SPOP: variants seen among roughly 807,000 people sequenced by gnomAD.
SPOP encodes the protein speckle type BTB/POZ protein, also known as speckle-type POZ protein.
A neutral mutation model predicts 45.6 loss-of-function variants in SPOP; 11 were observed. The observed-to-expected ratio is 0.24, with a 90% CI of 0.15 to 0.40. The LOEUF (loss-of-function observed/expected upper bound fraction) is 0.40, where lower values mean the gene tolerates loss of function less well. Ranked by LOEUF, SPOP falls within the 10% of genes least tolerant of loss-of-function variation. The probability of loss-of-function intolerance (pLI) is 1.00; values close to 1 mark genes in which losing one functional copy is unlikely to be tolerated. For synonymous variants in SPOP, 166 were observed against 166.3 expected (o/e 1.00, Z 0.01); for missense variants, 152 against 465.6 (o/e 0.33, Z 6.20).
intron 1 of SPOP, among the ~76,000 whole-genome samples, chr17:49,623,475 G>A (rs895149210): frequency 1.3e-5 from 2 of 152,318 alleles, no homozygotes; most frequent in South Asian, 4.1e-4. Context: ...GCTGCCTGAA[G>A]AGGAGACAGC....
chr17:49,663,595 A>G (rs1299598643), intron 1 of SPOP, among the ~76,000 whole-genome samples: 1 of 151,776 alleles, frequency 6.6e-6, no homozygotes, highest in African/African-American at 2.4e-5. Context: ...ATAGTCTGTA[A>G]AAAAACTGGG....
intron 1 of SPOP, among the ~76,000 whole-genome samples, chr17:49,656,182 T>A (rs973190021): frequency 2.6e-5 from 4 of 152,226 alleles, no homozygotes; most frequent in African/African-American, 9.6e-5. Context: ...GTCTGAACTC[T>A]TTGATATTAC....
At chr17:49,643,932 G>GAAA (rs202083202) in intron 1 of SPOP, among the ~76,000 whole-genome samples, 10 of 98,416 alleles carry the variant, frequency 1.0e-4, no homozygotes, top group African/African-American at 2.8e-4. Context: ...CCGTCTCAAG[G>GAAA]AAAAAAAAAA....
chr17:49,599,107 T>C lies in SPOP; in HGVS notation c.*1271A>G, dbSNP rs1359890603. 4.8e-6 allele frequency: 1 copy of C among 208,576 alleles called. No individual in the cohort carries two copies. Among genetic ancestry groups the C allele is most frequent in the African/African-American group, 2.3e-5 (1 of 43,902 alleles). The allele number at this position is 208,576 out of a possible 1,614,324, so 12.9% of individuals were successfully genotyped here. ...AGGACAAGAGACTGGCAGATGCTGA[T>C]AGCTCACAAAGAGAACTTGAGATTA... On this transcript the variant is annotated 3_prime_UTR_variant, in exon 10 of 10. Coordinates refer to ENST00000504102, the MANE Select transcript of SPOP (RefSeq NM_001007228.2).
intron 1 of SPOP, among the ~76,000 whole-genome samples, chr17:49,629,508 C>T (rs1395713408): frequency 6.6e-6 from 1 of 152,172 alleles, no homozygotes; most frequent in Non-Finnish European, 1.5e-5. Flanking sequence ...ATTTATTCTA[C>T]AAGAGGAGAA....
intron 1 of SPOP, among the ~76,000 whole-genome samples, chr17:49,658,360 A>G (rs2072943130): frequency 6.6e-6 from 1 of 152,208 alleles, no homozygotes; most frequent in Non-Finnish European, 1.5e-5. Flanking sequence ...CATAATCAGC[A>G]AAAGCAAATA....
chr17:49,622,656 A>G (rs890959690), intron 2 of SPOP, 77 bp downstream of exon 2: 1 of 1,281,670 alleles, frequency 7.8e-7, no homozygotes, highest in South Asian at 1.2e-5. Flanking sequence ...AGCCCAATGT[A>G]GAAAAGCAAT....
chr17:49,623,292 G>A (rs954901240), intron 1 of SPOP, among the ~76,000 whole-genome samples: 1 of 152,156 alleles, frequency 6.6e-6, no homozygotes, highest in African/African-American at 2.4e-5. Flanking sequence ...ACAGGCGTGA[G>A]CCACCGCACC....
rs994440869 is a variant in SPOP, at chr17:49,630,358, C to T, written c.-66-7482G>A. On this transcript the variant is annotated intron_variant, in intron 1 of 9. Coordinates refer to ENST00000504102, the MANE Select transcript of SPOP (RefSeq NM_001007228.2). ...CCAAGGGTAGTTATTACAGGTCATA[C>T]TGACTTCTACTGTTGCAAGGTTTAA... Among the ~76,000 whole-genome samples, 5 of 152,180 alleles carry T rather than the reference C, an allele frequency of 3.3e-5. No individual in the cohort carries two copies. The East Asian group carries it at 9.6e-4, about 29-fold the overall frequency.
chr17:49,635,065 T>C (rs538615420), intron 1 of SPOP, among the ~76,000 whole-genome samples: 15 of 152,344 alleles, frequency 9.8e-5, no homozygotes, highest in African/African-American at 2.6e-4. Context: ...TCTTCTCCTT[T>C]ACAGTCTTAA....
intron 1 of SPOP, among the ~76,000 whole-genome samples, chr17:49,651,973 C>T (rs1342175234): frequency 4.0e-5 from 6 of 151,662 alleles, no homozygotes; most frequent in African/African-American, 1.2e-4. Context: ...GAGCCGAAAT[C>T]GTGCCATTGC....
At chr17:49,672,530 G>A (rs1005684172) in intron 1 of SPOP, among the ~76,000 whole-genome samples, 1 of 152,202 alleles carries the variant, frequency 6.6e-6, no homozygotes, top group Non-Finnish European at 1.5e-5. Flanking sequence ...CATCAAAAAT[G>A]TTTAATGATA....
intron 1 of SPOP, among the ~76,000 whole-genome samples, chr17:49,645,252 A>G (rs1379265860): frequency 6.6e-6 from 1 of 152,150 alleles, no homozygotes; most frequent in Non-Finnish European, 1.5e-5. Flanking sequence ...CAGAGAAAGT[A>G]TAGGGACTGA....
intron 1 of SPOP, among the ~76,000 whole-genome samples, chr17:49,654,742 A>G (rs1352676714): frequency 6.6e-6 from 1 of 152,134 alleles, no homozygotes; most frequent in African/African-American, 2.4e-5. Flanking sequence ...CTGAGATCGC[A>G]TCAATGCACT....
chr17:49,670,047 C>G (rs2073117956), intron 1 of SPOP, among the ~76,000 whole-genome samples: 1 of 152,166 alleles, frequency 6.6e-6, no homozygotes, highest in African/African-American at 2.4e-5. Context: ...GAATAAAGGT[C>G]TCCATGGTCA....
At chr17:49,674,950 C>T (rs952653272) in intron 1 of SPOP, among the ~76,000 whole-genome samples, 4 of 152,248 alleles carry the variant, frequency 2.6e-5, no homozygotes, top group African/African-American at 7.2e-5. Context: ...TGAAGCTTAA[C>T]AAACTACATA....
chr17:49,665,333 G>A (rs1412207271), intron 1 of SPOP, among the ~76,000 whole-genome samples: 1 of 151,974 alleles, frequency 6.6e-6, no homozygotes, highest in Admixed American at 6.6e-5. Flanking sequence ...ACCAATTTGG[G>A]GCCCGGCGCA....
At chr17:49,614,901 G>A (rs1227372851) in intron 5 of SPOP, among the ~76,000 whole-genome samples, 1 of 151,790 alleles carries the variant, frequency 6.6e-6, no homozygotes, top group Non-Finnish European at 1.5e-5. Context: ...TGCCCAGGCT[G>A]GAGTGCAGTG....
At chr17:49,622,945 C>T (rs2072249218) in intron 1 of SPOP, 69 bp from the exon 2 acceptor site, 2 of 695,720 alleles carry the variant, frequency 2.9e-6, no homozygotes, top group South Asian at 1.9e-5. Context: ...ATTGTTTGAC[C>T]TGATAGAGGC....
Sources: gnomAD v4.1 joint callset for allele counts (sites outside exome capture counted in the v4.1 genomes callset) on GRCh38, gnomAD v4.1.1 for gene constraint, MANE v1.5 for transcripts, NCBI Gene and HGNC (gene_info 2026-07-23, HGNC 2026-07-21) for gene names.